The following PEAK1 variants were observed in gnomAD, a reference collection of about 807,000 sequenced individuals.
PEAK1 encodes the protein inactive tyrosine-protein kinase PEAK1.
Under a neutral mutation model 124.7 loss-of-function variants are expected in PEAK1, and 54 were observed. The observed-to-expected ratio is 0.43, with a 90% CI of 0.35 to 0.54. The LOEUF (loss-of-function observed/expected upper bound fraction) is 0.54. PEAK1 is among the 20% of genes least tolerant of loss of function. PEAK1 has a pLI of 0.01. For synonymous variants in PEAK1, 719 were observed against 760.0 expected (o/e 0.95, Z 0.89); for missense variants, 2,046 against 2,134.5 (o/e 0.96, Z 0.82).
At chr15:77,205,039 C>CT (rs1051577627) in intron 6 of PEAK1, 3 of 184,708 alleles carry the variant, frequency 1.6e-5, no homozygotes, top group African/African-American at 7.2e-5. Flanking sequence ...AATGGAAAGA[C>CT]TAAAAACGAG....
chr15:77,334,131 A>C, intron 2 of PEAK1: 1 of 914,522 alleles, frequency 1.1e-6, no homozygotes, highest in Non-Finnish European at 1.3e-6. Flanking sequence ...TAAATACTTA[A>C]GAGATTTTTT....
At chr15:77,199,650 G>C (rs771346670) in intron 6 of PEAK1, among the ~76,000 whole-genome samples, 1 of 152,178 alleles carries the variant, frequency 6.6e-6, no homozygotes, top group African/African-American at 2.4e-5. Context: ...CAGAGACTGC[G>C]GATATGGCAA....
intron 1 of PEAK1, among the ~76,000 whole-genome samples, chr15:77,395,301 A>T (rs984892809): frequency 6.6e-6 from 1 of 152,208 alleles, no homozygotes; most frequent in Non-Finnish European, 1.5e-5. Flanking sequence ...CACTTAAAAG[A>T]TCTAGAAAAT....
chr15:77,149,618 G>T (rs1486219447), intron 8 of PEAK1, among the ~76,000 whole-genome samples: 2 of 152,126 alleles, frequency 1.3e-5, no homozygotes, highest in African/African-American at 4.8e-5. Context: ...AACCCCCTTA[G>T]CTTAGAACTA....
chr15:77,301,366 C>A (rs1438602738), intron 2 of PEAK1, among the ~76,000 whole-genome samples: 1 of 152,138 alleles, frequency 6.6e-6, no homozygotes, highest in Non-Finnish European at 1.5e-5. Flanking sequence ...GGATGATCAT[C>A]ATATCAAAAT....
intron 8 of PEAK1, among the ~76,000 whole-genome samples, chr15:77,140,658 T>C (rs1405245990): frequency 6.6e-6 from 1 of 152,004 alleles, no homozygotes; most frequent in East Asian, 1.9e-4. Flanking sequence ...GATAAAAGAC[T>C]GGAAATTTCT....
At chr15:77,173,066 T>TAAGTGAAACTCACTTAAAAACAACAAC (rs2056618032) in intron 7 of PEAK1, among the ~76,000 whole-genome samples, 1 of 152,144 alleles carries the variant, frequency 6.6e-6, no homozygotes, top group Admixed American at 6.5e-5. Flanking sequence ...CCAAGCACAT[T>TAAGTGAAACTCACTTAAAAACAACAAC]AAGTGAAACT....
At chr15:77,274,654 TAAA>T (rs796774412) in intron 5 of PEAK1, among the ~76,000 whole-genome samples, 7 of 151,330 alleles carry the variant, frequency 4.6e-5, no homozygotes, top group African/African-American at 1.7e-4. Context: ...AATCAAAAAA[TAAA>T]AAAACATAGA....
At chr15:77,268,473 C>CA (rs895058121) in intron 5 of PEAK1, among the ~76,000 whole-genome samples, 1,806 of 115,964 alleles carry the variant, frequency 0.016, 35 homozygotes, top group African/African-American at 0.051. Flanking sequence ...GATTCCATCT[C>CA]AAAAAAAAAA....
intron 6 of PEAK1, among the ~76,000 whole-genome samples, chr15:77,224,065 C>A (rs1321904552): frequency 6.6e-6 from 1 of 151,230 alleles, no homozygotes; most frequent in African/African-American, 2.4e-5. Flanking sequence ...CAGGGTTATT[C>A]TTTATCTCTC....
chr15:77,349,311 T>G (rs2067068504), intron 2 of PEAK1: 1 of 924,258 alleles, frequency 1.1e-6, no homozygotes, highest in Admixed American at 6.2e-5. Flanking sequence ...AGTGCTGGGA[T>G]TACAGGCGTG....
intron 2 of PEAK1, among the ~76,000 whole-genome samples, chr15:77,288,329 C>T (rs2063032280): frequency 6.6e-6 from 1 of 152,168 alleles, no homozygotes; most frequent in Admixed American, 6.6e-5. Flanking sequence ...GTTCTCTTTG[C>T]CAGTATATCT....
At chr15:77,388,829 A>T (rs915232158) in intron 1 of PEAK1, among the ~76,000 whole-genome samples, 23 of 151,784 alleles carry the variant, frequency 1.5e-4, no homozygotes, top group South Asian at 1.0e-3. Context: ...ATACTCCATC[A>T]AACAGGCCTT....
chr15:77,175,088 T>C (rs950158637), intron 7 of PEAK1, among the ~76,000 whole-genome samples: 3 of 151,752 alleles, frequency 2.0e-5, no homozygotes, highest in Non-Finnish European at 4.4e-5. Flanking sequence ...TTACACCTTA[T>C]ACAAAAATCA....
At chr15:77,178,372 A>G (rs2057015837) in intron 7 of PEAK1, 1 of 182,718 alleles carries the variant, frequency 5.5e-6, no homozygotes, top group Non-Finnish European at 1.1e-5. Flanking sequence ...CCTTCATAAA[A>G]AACAAAAAGA....
rs2057455586 is a variant in PEAK1, at chr15:77,184,785, T to C, written c.-114-2745A>G. On this transcript the variant is annotated intron_variant, in intron 6 of 9. Transcript: ENST00000682557. Reference sequence around the variant, plus strand: ...GGTGGTGTATGCCCGTAATCTTAGCTACTCAGGAGGCTGAGGCATGAGAAT... The same window carrying C: ...GGTGGTGTATGCCCGTAATCTTAGCCACTCAGGAGGCTGAGGCATGAGAAT... 1.3e-5 allele frequency among the ~76,000 whole-genome samples: 2 copies of C among 152,138 alleles called. 1 individual carries two copies. Among genetic ancestry groups the C allele is most frequent in the South Asian group, 4.1e-4 (2 of 4,832 alleles).
chr15:77,141,707 C>T lies in PEAK1; in HGVS notation c.3332-7957G>A, dbSNP rs75243575. ...TAGATGAATGAAATATATTTGAGAGCGCAGAAGTGAACACTTATATTTAAG... is the reference window on the plus strand; with the variant it reads ...TAGATGAATGAAATATATTTGAGAGTGCAGAAGTGAACACTTATATTTAAG... On this transcript the variant is annotated intron_variant, in intron 8 of 9. Transcript: ENST00000682557. Among the ~76,000 whole-genome samples, 657 of 152,122 alleles carry T rather than the reference C, an allele frequency of 4.3e-3. 1 individual carries two copies. Among genetic ancestry groups the T allele is most frequent in the African/African-American group, 0.013 (555 of 41,514 alleles).
chr15:77,198,224 C>T (rs532539029), intron 6 of PEAK1, among the ~76,000 whole-genome samples: 2 of 152,248 alleles, frequency 1.3e-5, no homozygotes, highest in East Asian at 3.9e-4. Flanking sequence ...AAAGGCCATG[C>T]GATGCTAATC....
At chr15:77,261,068 G>C (rs1162740256) in intron 5 of PEAK1, among the ~76,000 whole-genome samples, 2 of 152,184 alleles carry the variant, frequency 1.3e-5, no homozygotes, top group Non-Finnish European at 1.5e-5. Flanking sequence ...GGTCCTGACT[G>C]TTAGAAGGAA....
Sources: allele counts gnomAD v4.1 joint callset (sites outside exome capture counted in the v4.1 genomes callset), GRCh38; gene constraint gnomAD v4.1.1; transcripts MANE v1.5; gene names NCBI Gene and HGNC (gene_info 2026-07-23, HGNC 2026-07-21).